TACR1: variants seen among roughly 807,000 people sequenced by gnomAD.
TACR1 encodes the protein tachykinin receptor 1.
TACR1 carries 25 observed loss-of-function variants against 35.8 expected under a neutral mutation model. That is an observed-to-expected ratio of 0.70 (90% confidence interval 0.51 to 0.98). The LOEUF is 0.98. TACR1 is among the 50% of genes least tolerant of loss of function. TACR1 has a pLI of 0.00. For synonymous variants in TACR1, 195 were observed against 206.7 expected, an observed-to-expected ratio of 0.94 and a Z score of 0.48; for missense variants, 478 against 522.9, an observed-to-expected ratio of 0.91 and a Z score of 0.84.
chr2:75,140,057 G>A (rs905985409), intron 1 of TACR1, among the ~76,000 whole-genome samples: 2 of 152,100 alleles, frequency 1.3e-5, no homozygotes, highest in Non-Finnish European at 2.9e-5. Context: ...ATCATATGAA[G>A]CAGTCATTTT....
In TACR1 at chr2:75,048,296, G is replaced by A. The variant is rs1672398533; in HGVS notation, c.*1136C>T. The A allele has an allele frequency of 1.3e-5, 2 of 152,234 alleles. No homozygotes were observed. Among genetic ancestry groups the A allele is most frequent in the African/African-American group, 2.4e-5 (1 of 41,470 alleles). The allele number at this position is 152,234 out of a possible 1,614,324, so 9.4% of individuals were successfully genotyped here. A position where few individuals can be genotyped will look rare whatever the true frequency, so the allele number is the denominator to read the frequency against. ...GGCCCCCACCCTAAAATACCCAAAA[G>A]GTTAAAGCAGGGAGCCCACATTTGT... is the stretch of plus-strand genomic sequence containing the variant. On this transcript the variant is annotated 3_prime_UTR_variant, in exon 5 of 5. Coordinates refer to ENST00000305249, the MANE Select transcript of TACR1 (RefSeq NM_001058.4).
At chr2:75,145,401 A>T (rs1388175027) in intron 1 of TACR1, among the ~76,000 whole-genome samples, 4 of 152,208 alleles carry the variant, frequency 2.6e-5, no homozygotes, top group Non-Finnish European at 5.9e-5. Flanking sequence ...TAAGACAAGA[A>T]AAAGGAATAA....
intron 1 of TACR1, among the ~76,000 whole-genome samples, chr2:75,135,769 G>A (rs1460951831): frequency 6.6e-6 from 1 of 152,086 alleles, no homozygotes; most frequent in East Asian, 1.9e-4. Flanking sequence ...GGTAAATGGG[G>A]CACTAACACC....
At chr2:75,117,688 C>G (rs976035849) in intron 2 of TACR1, among the ~76,000 whole-genome samples, 7 of 152,318 alleles carry the variant, frequency 4.6e-5, no homozygotes, top group Middle Eastern at 3.4e-3. Flanking sequence ...CCACACCTAA[C>G]CTACCAAACA....
At chr2:75,076,425 A>G (rs1672981597) in intron 2 of TACR1, among the ~76,000 whole-genome samples, 1 of 152,104 alleles carries the variant, frequency 6.6e-6, no homozygotes, top group South Asian at 2.1e-4. Flanking sequence ...CAGAGTGAAA[A>G]CTCATAGACC....
At chr2:75,054,608 G>C (rs112845614) in intron 2 of TACR1, among the ~76,000 whole-genome samples, 1 of 152,072 alleles carries the variant, frequency 6.6e-6, no homozygotes, top group Non-Finnish European at 1.5e-5. Flanking sequence ...TAAAGGGAAG[G>C]CTCCTTTTCA....
intron 2 of TACR1, among the ~76,000 whole-genome samples, chr2:75,089,707 G>A (rs1482953626): frequency 6.6e-6 from 1 of 152,174 alleles, no homozygotes; most frequent in Non-Finnish European, 1.5e-5. Context: ...GGCAGAGGCT[G>A]TCAGTACCTT....
chr2:75,073,120 C>A (rs1283391255), intron 2 of TACR1, among the ~76,000 whole-genome samples: 1 of 152,204 alleles, frequency 6.6e-6, no homozygotes, highest in Admixed American at 6.5e-5. Context: ...GGAATAGGGA[C>A]CCGGTGTTTG....
intron 1 of TACR1, among the ~76,000 whole-genome samples, chr2:75,195,380 C>CT (rs1675944005): frequency 6.7e-6 from 1 of 148,866 alleles, no homozygotes. Context: ...CTCTTCCCTC[C>CT]TTCTCCTACC....
At chr2:75,193,037 C>G (rs528880467) in intron 1 of TACR1, among the ~76,000 whole-genome samples, 43 of 152,038 alleles carry the variant, frequency 2.8e-4, no homozygotes, top group Non-Finnish European at 5.3e-4. Flanking sequence ...TCTCTTCATT[C>G]TCTTTCATTC....
At chr2:75,167,938 A>C (rs1179960022) in intron 1 of TACR1, among the ~76,000 whole-genome samples, 4 of 152,210 alleles carry the variant, frequency 2.6e-5, no homozygotes. Flanking sequence ...AAGCAGATAC[A>C]TGGTCCCCAG....
intron 1 of TACR1, among the ~76,000 whole-genome samples, chr2:75,155,505 A>G (rs925212332): frequency 7.9e-5 from 12 of 152,062 alleles, no homozygotes; most frequent in African/African-American, 2.7e-4. Flanking sequence ...CCACCTGAGT[A>G]TCACCAGCTC....
At chr2:75,157,809 T>A (rs1050552825) in intron 1 of TACR1, among the ~76,000 whole-genome samples, 1 of 152,248 alleles carries the variant, frequency 6.6e-6, no homozygotes. Context: ...CAGGAAGATG[T>A]GGGAAATAGA....
chr2:75,198,660 T>A lies in TACR1; in HGVS notation c.275A>T (p.Tyr92Phe), dbSNP rs111831416. The A allele has an allele frequency of 1.9e-6, 3 of 1,614,096 alleles. No individual in the cohort carries two copies. The highest frequency in any genetic ancestry group is 2.5e-6 in the Non-Finnish European group (3 of 1,180,042). Residue 92 changes from tyrosine to phenylalanine, a missense_variant, in exon 1 of 5, where the codon TAT becomes TTT. Physicochemically the swap from Tyr to Phe is conservative, Grantham distance 22 (BLOSUM62 3). Transcript: ENST00000305249. Reference protein sequence around the residue: ...AAFNTVVNFTYAVHNEWYYGL... With the variant: ...AAFNTVVNFTFAVHNEWYYGL... ...GTAGTACCATTCGTTGTGGACAGCA[T>A]AGGTGAAGTTCACCACTGTATTGAA...
intron 1 of TACR1, among the ~76,000 whole-genome samples, chr2:75,137,453 T>C (rs535212505): frequency 7.2e-4 from 109 of 152,076 alleles, no homozygotes; most frequent in African/African-American, 2.4e-3. Context: ...CGGCAGGGCA[T>C]GGTGCCTCAT....
intron 1 of TACR1, among the ~76,000 whole-genome samples, chr2:75,160,983 A>C (rs1674995540): frequency 6.6e-6 from 1 of 151,878 alleles, no homozygotes; most frequent in Admixed American, 6.6e-5. Flanking sequence ...CTTCTATTAT[A>C]ATGCCAGAAA....
rs374179780 is a variant in TACR1, at chr2:75,081,051, G to A, written c.585-27296C>T. The stretch of plus-strand genomic sequence containing the variant: ...AATTGCTATAATTCCAGGCCCTATG[G>A]CAGACTGCTCGAGAGAAAAATGGGC... On this transcript the variant is annotated intron_variant, in intron 2 of 4. Coordinates refer to ENST00000305249, the MANE Select transcript of TACR1 (RefSeq NM_001058.4). Among the ~76,000 whole-genome samples, 48 of 152,234 alleles carry A rather than the reference G, an allele frequency of 3.2e-4. 2 individuals are homozygous for A. In the South Asian group the frequency reaches 9.3e-3, roughly 30 times the overall value.
At chr2:75,085,587 G>C (rs966509135) in intron 2 of TACR1, among the ~76,000 whole-genome samples, 1 of 152,294 alleles carries the variant, frequency 6.6e-6, no homozygotes, top group Middle Eastern at 3.4e-3. Flanking sequence ...AAATATCATG[G>C]AGGATTTGAG....
chr2:75,138,959 G>A (rs1674349845), intron 1 of TACR1, among the ~76,000 whole-genome samples: 2 of 152,010 alleles, frequency 1.3e-5, no homozygotes, highest in South Asian at 4.1e-4. Flanking sequence ...TAAGTCCTAT[G>A]AAAAAGAACG....
Sources: allele counts gnomAD v4.1 joint callset (sites outside exome capture counted in the v4.1 genomes callset), GRCh38; gene constraint gnomAD v4.1.1; transcripts MANE v1.5; gene names NCBI Gene and HGNC (gene_info 2026-07-23, HGNC 2026-07-21).